Variants in EXOC4 observed in about 807,000 individuals in gnomAD.
EXOC4 encodes the protein SEC8-like 1.
EXOC4 carries 71 observed loss-of-function variants against 107.2 expected under a neutral mutation model. That is an observed-to-expected ratio of 0.66 (90% CI 0.55 to 0.81). EXOC4 has a LOEUF of 0.81. EXOC4 is among the 30% of genes least tolerant of loss of function. The probability of loss-of-function intolerance (pLI) is 0.00; values close to 1 mark genes in which losing one functional copy is unlikely to be tolerated. For missense variants in EXOC4, 1,108 were observed against 1,189.6 expected, an observed-to-expected ratio of 0.93 and a Z score of 1.01; for synonymous variants, 456 against 441.2, an observed-to-expected ratio of 1.03 and a Z score of -0.42.
chr7:133,314,696 G>A (rs1485104459), intron 4 of EXOC4, among the ~76,000 whole-genome samples: 1 of 152,132 alleles, frequency 6.6e-6, no homozygotes, highest in East Asian at 1.9e-4. Flanking sequence ...ATATCAGTGT[G>A]CACACACATA....
chr7:133,992,465 T>G (rs1794286086), intron 14 of EXOC4, among the ~76,000 whole-genome samples: 1 of 151,938 alleles, frequency 6.6e-6, no homozygotes, highest in Non-Finnish European at 1.5e-5. Context: ...GTACTTTTAT[T>G]AAAGACAGGG....
chr7:134,051,310 GCAGA>G (rs1268136264), intron 17 of EXOC4, among the ~76,000 whole-genome samples: 1 of 152,230 alleles, frequency 6.6e-6, no homozygotes, highest in African/African-American at 2.4e-5. Flanking sequence ...CCTGCAGCAG[GCAGA>G]CACAGAGCCA....
At chr7:133,993,188 C>T (rs1794302532) in intron 14 of EXOC4, among the ~76,000 whole-genome samples, 1 of 152,146 alleles carries the variant, frequency 6.6e-6, no homozygotes, top group East Asian at 1.9e-4. Context: ...TTATATTCAT[C>T]AGGGATATTG....
chr7:133,908,432 A>G (rs1416732326), intron 12 of EXOC4, among the ~76,000 whole-genome samples: 3 of 152,256 alleles, frequency 2.0e-5, no homozygotes, highest in African/African-American at 4.8e-5. Context: ...AGAAGAGGCA[A>G]TGGAATTAAA....
intron 11 of EXOC4, among the ~76,000 whole-genome samples, chr7:133,830,871 A>G (rs2151236869): frequency 6.6e-6 from 1 of 152,280 alleles, no homozygotes; most frequent in South Asian, 2.1e-4. Flanking sequence ...TGTTCGGGAT[A>G]CCACAATACA....
At chr7:133,767,448 C>T (rs533185416) in intron 10 of EXOC4, among the ~76,000 whole-genome samples, 1 of 152,016 alleles carries the variant, frequency 6.6e-6, no homozygotes, top group Admixed American at 6.6e-5. Context: ...TATACACACA[C>T]ACACATACAC....
intron 9 of EXOC4, among the ~76,000 whole-genome samples, chr7:133,530,824 G>A (rs1316748569): frequency 6.6e-6 from 1 of 152,208 alleles, no homozygotes; most frequent in East Asian, 1.9e-4. Flanking sequence ...ATTCAACTTT[G>A]TCAAAGGGAA....
At chr7:133,538,437 T>C (rs954545509) in intron 9 of EXOC4, among the ~76,000 whole-genome samples, 4 of 152,168 alleles carry the variant, frequency 2.6e-5, no homozygotes, top group Admixed American at 6.6e-5. Context: ...TCTTCTCTGA[T>C]TGAATGCATA....
chr7:133,339,130 C>A (rs1417695538), intron 5 of EXOC4, among the ~76,000 whole-genome samples: 1 of 152,174 alleles, frequency 6.6e-6, no homozygotes, highest in East Asian at 1.9e-4. Context: ...GTTTGGTTTT[C>A]CATTCTTGTG....
At chr7:133,797,852 GA>G (rs1169728187) in intron 10 of EXOC4, among the ~76,000 whole-genome samples, 5 of 152,324 alleles carry the variant, frequency 3.3e-5, no homozygotes, top group Admixed American at 2.6e-4. Flanking sequence ...ATACAGCTAT[GA>G]AGCCGTCTAA....
chr7:133,812,007 T>C (rs1490378694), intron 10 of EXOC4, among the ~76,000 whole-genome samples: 1 of 152,190 alleles, frequency 6.6e-6, no homozygotes, highest in Non-Finnish European at 1.5e-5. Flanking sequence ...GTTAGCAATT[T>C]ACACTTTGCG....
intron 10 of EXOC4, among the ~76,000 whole-genome samples, chr7:133,646,428 T>C (rs1038069844): frequency 1.3e-5 from 2 of 152,234 alleles, no homozygotes; most frequent in South Asian, 2.1e-4. Context: ...ATACTACTTA[T>C]ATCTCATTTT....
At chr7:134,044,599 A>G (rs1470945265) in intron 17 of EXOC4, among the ~76,000 whole-genome samples, 2 of 151,878 alleles carry the variant, frequency 1.3e-5, no homozygotes, top group South Asian at 4.2e-4. Context: ...GTCATCCATT[A>G]CCACGCATAA....
At chr7:134,073,939 C>T in the EXOC4 span, among the ~76,000 whole-genome samples, 2 of 152,198 alleles carry the variant, frequency 1.3e-5, no homozygotes, top group Admixed American at 1.3e-4. Context: ...CTGGTGCTGT[C>T]GTCAGGCCCT....
intron 7 of EXOC4, among the ~76,000 whole-genome samples, chr7:133,463,667 A>C (rs763821447): frequency 6.6e-6 from 1 of 152,202 alleles, no homozygotes; most frequent in African/African-American, 2.4e-5. Context: ...CTAATACTCA[A>C]GTAGTTAGGT....
rs560979517 is a variant in EXOC4, at chr7:133,872,283, AT to A, written c.1735-23312del. ...TTTTATAAATGCATAGAAAGTTCCCATTTTGATGTTAGCAGTTAATTCAATT... is the reference window on the plus strand; with the variant it reads ...TTTTATAAATGCATAGAAAGTTCCCATTTGATGTTAGCAGTTAATTCAATT... On this transcript the variant is annotated intron_variant, in intron 11 of 17. Coordinates refer to ENST00000253861, the MANE Select transcript of EXOC4 (RefSeq NM_021807.4). 1.4e-3 allele frequency among the ~76,000 whole-genome samples: 209 copies of A among 152,350 alleles called. 2 individuals carry two copies. Among genetic ancestry groups the A allele is most frequent in the African/African-American group, 4.9e-3 (204 of 41,588 alleles).
chr7:133,324,750 A>G (rs1015037459), intron 5 of EXOC4, among the ~76,000 whole-genome samples: 1 of 152,158 alleles, frequency 6.6e-6, no homozygotes, highest in Non-Finnish European at 1.5e-5. Context: ...GCTGAGTTCA[A>G]TTCCTGTATA....
intron 11 of EXOC4, among the ~76,000 whole-genome samples, chr7:133,882,342 C>G (rs76506970): frequency 0.032 from 4,817 of 152,264 alleles, 124 homozygotes; most frequent in Non-Finnish European, 0.045. Context: ...AGCATTAGAC[C>G]TGCTTTTTGT....
intron 17 of EXOC4, among the ~76,000 whole-genome samples, chr7:134,055,706 C>T (rs1795904765): frequency 6.6e-6 from 1 of 152,182 alleles, no homozygotes; most frequent in Non-Finnish European, 1.5e-5. Context: ...ACTCTTTGTG[C>T]CTTTCTTATG....
Sources: gnomAD v4.1 joint callset for allele counts (sites outside exome capture counted in the v4.1 genomes callset) on GRCh38, gnomAD v4.1.1 for gene constraint, MANE v1.5 for transcripts, NCBI Gene and HGNC (gene_info 2026-07-23, HGNC 2026-07-21) for gene names.